Variants in PCDH15 observed in about 807,000 individuals in gnomAD.
PCDH15 encodes protocadherin related 15, also known as protocadherin-15.
In PCDH15, 129 loss-of-function variants were observed where a neutral mutation model predicts 178.5. The ratio of observed to expected loss-of-function variants is 0.72; its 90% CI spans 0.63 to 0.84. PCDH15 has a LOEUF of 0.84. PCDH15 is among the 40% of genes least tolerant of loss of function. The pLI, the probability that PCDH15 is intolerant of heterozygous loss-of-function variation, is 0.00. For synonymous variants in PCDH15, 800 were observed against 732.0 expected, an observed-to-expected ratio of 1.09 and a Z score of -1.50; for missense variants, 2,230 against 2,099.9, an observed-to-expected ratio of 1.06 and a Z score of -1.21.
chr10:53,981,588 A>G (rs1279363226), intron 21 of PCDH15, among the ~76,000 whole-genome samples: 1 of 151,500 alleles, frequency 6.6e-6, no homozygotes, highest in Non-Finnish European at 1.5e-5. Context: ...CTATTTAATA[A>G]ATGGTGCTGG....
intron 3 of PCDH15, among the ~76,000 whole-genome samples, chr10:54,841,916 A>T (rs1953425382): frequency 6.6e-6 from 1 of 151,820 alleles, no homozygotes; most frequent in African/African-American, 2.4e-5. Flanking sequence ...TAATTACCTG[A>T]TATAAACAAT....
chr10:54,942,037 G>A (rs1838075967), intron 2 of PCDH15, among the ~76,000 whole-genome samples: 1 of 151,880 alleles, frequency 6.6e-6, no homozygotes, highest in African/African-American at 2.4e-5. Context: ...CAATACTCTG[G>A]GGCTGGAATA....
At chr10:53,950,863 A>G (rs1218867666) in intron 23 of PCDH15, among the ~76,000 whole-genome samples, 1 of 152,228 alleles carries the variant, frequency 6.6e-6, no homozygotes, top group Non-Finnish European at 1.5e-5. Flanking sequence ...AAATATATAA[A>G]GAGATAATTG....
intron 2 of PCDH15, among the ~76,000 whole-genome samples, chr10:54,962,618 C>T (rs1838684926): frequency 6.6e-6 from 1 of 152,160 alleles, no homozygotes; most frequent in African/African-American, 2.4e-5. Flanking sequence ...ACTTGCTGTA[C>T]ATTGGGTCAA....
intron 15 of PCDH15, among the ~76,000 whole-genome samples, chr10:54,122,010 C>G (rs1302253828): frequency 2.7e-5 from 4 of 150,300 alleles, no homozygotes; most frequent in African/African-American, 9.9e-5. Flanking sequence ...CATACACACA[C>G]ACACACACAC....
chr10:54,806,510 G>A (rs986586189), intron 3 of PCDH15, among the ~76,000 whole-genome samples: 2 of 150,390 alleles, frequency 1.3e-5, no homozygotes, highest in Non-Finnish European at 3.0e-5. Flanking sequence ...CTGAGACGGA[G>A]TCTTGCTCTG....
chr10:54,004,426 C>CACACACA (rs35001487), intron 20 of PCDH15, among the ~76,000 whole-genome samples: 21,130 of 96,738 alleles, frequency 0.22, 1,712 homozygotes, highest in South Asian at 0.36. Context: ...CACACACACA[C>CACACACA]CACACAAAGT....
At chr10:53,909,927 C>G (rs1236153001) in intron 25 of PCDH15, among the ~76,000 whole-genome samples, 1 of 152,184 alleles carries the variant, frequency 6.6e-6, no homozygotes, top group East Asian at 1.9e-4. Flanking sequence ...TGAGATCAAT[C>G]TGCGAGGCAG....
intron 15 of PCDH15, among the ~76,000 whole-genome samples, chr10:54,122,955 C>T (rs1590626636): frequency 1.3e-5 from 2 of 151,434 alleles, no homozygotes; most frequent in East Asian, 3.9e-4. Flanking sequence ...GCTTGGATAG[C>T]TGGTGAGCTA....
At chr10:54,654,408 G>A (rs765593975) in intron 2 of PCDH15, among the ~76,000 whole-genome samples, 32 of 152,124 alleles carry the variant, frequency 2.1e-4, no homozygotes, top group Non-Finnish European at 3.4e-4. Flanking sequence ...CTCAGAAAAG[G>A]TCAGTAAAAA....
chr10:55,448,002 T>C (rs1180606449), intron 2 of PCDH15, among the ~76,000 whole-genome samples: 1 of 152,060 alleles, frequency 6.6e-6, no homozygotes, highest in South Asian at 2.1e-4. Flanking sequence ...GTTGTGTGAA[T>C]AATTTGGGGG....
At position 54,853,336 on chromosome 10, in the gene PCDH15, C is replaced by CATACATACATACACATATACAT. The variant is rs1953673214; in HGVS notation, c.-29+44113_-29+44114insATGTATATGTGTATGTATGTAT. ...ATATATATACATACACACACATATA[C>CATACATACATACACATATACAT]ATATATATACATATATATATACACA... On this transcript the variant is annotated intron_variant, in intron 3 of 5. Coordinates refer to the PCDH15 transcript ENST00000458638. Among the ~76,000 whole-genome samples the CATACATACATACACATATACAT allele has an allele frequency of 1.2e-4, 15 of 126,486 alleles. No individual in the cohort carries two copies. In the East Asian group the frequency reaches 1.3e-3, roughly 11 times the overall value. The allele number at this position is 126,486 out of a possible 152,430, so 83.0% of individuals were successfully genotyped here.
At chr10:54,721,862 C>G (rs564272744) in intron 1 of PCDH15, among the ~76,000 whole-genome samples, 50 of 151,954 alleles carry the variant, frequency 3.3e-4, no homozygotes, top group South Asian at 2.1e-3. Context: ...CTCCTTCTCT[C>G]TTTTAACAAA....
intron 3 of PCDH15, among the ~76,000 whole-genome samples, chr10:54,808,002 T>A (rs1368982790): frequency 6.6e-6 from 1 of 151,866 alleles, no homozygotes; most frequent in Non-Finnish European, 1.5e-5. Flanking sequence ...AATTTTATAG[T>A]TCTTTGGCGT....
chr10:54,059,199 C>T (rs963168628), intron 18 of PCDH15, among the ~76,000 whole-genome samples: 1 of 152,112 alleles, frequency 6.6e-6, no homozygotes, highest in Admixed American at 6.5e-5. Flanking sequence ...TAATAACCTC[C>T]ATTTCCATTC....
chr10:53,993,125 G>A (rs1481634932), intron 21 of PCDH15, among the ~76,000 whole-genome samples: 1 of 152,192 alleles, frequency 6.6e-6, no homozygotes, highest in Non-Finnish European at 1.5e-5. Flanking sequence ...CCTAATATAT[G>A]CAGGGGCAGA....
chr10:55,163,834 G>A (rs1339743350), intron 2 of PCDH15, among the ~76,000 whole-genome samples: 5 of 152,080 alleles, frequency 3.3e-5, no homozygotes, highest in Admixed American at 1.3e-4. Context: ...GGAATTGCCC[G>A]CCCCTTTCCT....
At chr10:55,467,958 C>T (rs1401364859) in intron 2 of PCDH15, among the ~76,000 whole-genome samples, 18 of 66,804 alleles carry the variant, frequency 2.7e-4, no homozygotes, top group African/African-American at 1.6e-3. Flanking sequence ...TAGAGCCAGA[C>T]TCCGTCTCAA....
chr10:54,251,106 AT>A (rs2056434427), intron 8 of PCDH15, among the ~76,000 whole-genome samples: 1 of 152,220 alleles, frequency 6.6e-6, no homozygotes, highest in African/African-American at 2.4e-5. Flanking sequence ...TCATTCTTAA[AT>A]AAAAATTTGA....
Sources: allele counts gnomAD v4.1 joint callset (sites outside exome capture counted in the v4.1 genomes callset), GRCh38; gene constraint gnomAD v4.1.1; transcripts MANE v1.5; gene names NCBI Gene and HGNC (gene_info 2026-07-23, HGNC 2026-07-21).